The following FAM169A variants were observed in gnomAD, a reference collection of about 807,000 sequenced individuals.
FAM169A encodes the protein family with sequence similarity 169 member A.
A neutral mutation model predicts 75.7 loss-of-function variants in FAM169A; 24 were observed. The observed-to-expected ratio is 0.32, with a 90% CI of 0.23 to 0.45. The LOEUF (loss-of-function observed/expected upper bound fraction) is 0.45. Ranked by LOEUF, FAM169A falls within the 20% of genes least tolerant of loss-of-function variation. The pLI is 1.00. For missense variants in FAM169A, 673 were observed against 784.0 expected (o/e 0.86, Z 1.69); for synonymous variants, 271 against 271.0 (o/e 1.00, Z 0.00).
At chr5:74,866,483 C>G (rs538232894), upstream of FAM169A, 14 of 732,690 alleles carry the variant, frequency 1.9e-5, no homozygotes, top group African/African-American at 7.6e-5. Flanking sequence ...TCCTCGGAGC[C>G]TGGGACGCCG....
intron 5 of FAM169A, 144 bp from the exon 6 acceptor site, chr5:74,814,163 G>T: frequency 3.8e-6 from 2 of 531,482 alleles, no homozygotes; most frequent in Non-Finnish European, 3.2e-6. Flanking sequence ...AATATAAAGT[G>T]TTTTTCAGCT....
intron 1 of FAM169A, among the ~76,000 whole-genome samples, chr5:74,863,015 T>C (rs1750118768): frequency 7.1e-6 from 1 of 140,512 alleles, no homozygotes; most frequent in African/African-American, 2.7e-5. Context: ...ACCAAAACTG[T>C]ATTCATTTAA....
chr5:74,805,524 C>CTTTTTTTTTTTTTTTTTTTTT (rs1194674402), intron 6 of FAM169A, among the ~76,000 whole-genome samples: 9 of 81,934 alleles, frequency 1.1e-4, no homozygotes, highest in African/African-American at 4.9e-4. Flanking sequence ...ATGTGCTTCG[C>CTTTTTTTTTTTTTTTTTTTTT]TTTTTTTTTT....
intron 10 of FAM169A, among the ~76,000 whole-genome samples, chr5:74,796,409 T>A (rs1243771955): frequency 1.4e-5 from 2 of 141,360 alleles, no homozygotes; most frequent in Non-Finnish European, 3.1e-5. Flanking sequence ...TCTTAATGGA[T>A]CTTTTTTTTT....
At chr5:74,849,240 A>G (rs1447602959) in intron 1 of FAM169A, among the ~76,000 whole-genome samples, 1 of 152,198 alleles carries the variant, frequency 6.6e-6, no homozygotes. Flanking sequence ...CAAAAAAATT[A>G]TGTATTTGAC....
chr5:74,825,920 C>T (rs1320847699), intron 5 of FAM169A, among the ~76,000 whole-genome samples: 2 of 152,054 alleles, frequency 1.3e-5, no homozygotes, highest in African/African-American at 4.8e-5. Context: ...TCAATGGGCC[C>T]TTTTAATCTG....
rs1748471189 is a variant in FAM169A, at chr5:74,834,498, T to C, written c.418A>G (p.Ser140Gly). ...AGAATCTTAGCATAATCAGTACTGC[T>C]ATGACACAGGAATGGGATCTCATTT... ...ERNEIPFLCH[S>G]STDYAKILWK... is the part of the protein sequence containing the mutation. Residue 140 changes from serine (S) to glycine (G), a missense_variant, in exon 5 of 13, where the codon AGC becomes GGC. By Grantham distance (56) the Ser-to-Gly change is moderately conservative. Coordinates refer to ENST00000687041, the MANE Select transcript of FAM169A (RefSeq NM_001376049.1). The C allele has an allele frequency of 1.2e-6, 2 of 1,605,878 alleles. No homozygotes were observed. Among genetic ancestry groups the C allele is most frequent in the Admixed American group, 3.4e-5 (2 of 58,340 alleles).
intron 1 of FAM169A, among the ~76,000 whole-genome samples, chr5:74,849,181 T>C (rs923889488): frequency 1.3e-5 from 2 of 152,204 alleles, no homozygotes; most frequent in African/African-American, 4.8e-5. Flanking sequence ...AGATCTAAGA[T>C]CATGAGCATC....
chr5:74,786,216 T>C (rs1745687962), intron 11 of FAM169A, among the ~76,000 whole-genome samples: 1 of 152,208 alleles, frequency 6.6e-6, no homozygotes. Context: ...CAGCCTATTG[T>C]GGGACCTTGT....
In FAM169A at chr5:74,834,611, C is replaced by A; in HGVS notation, c.319-14G>T. The A allele has an allele frequency of 2.0e-6, 3 of 1,512,268 alleles. No individual in the cohort carries two copies. Among genetic ancestry groups the A allele is most frequent in the Middle Eastern group, 1.8e-4 (1 of 5,698 alleles). The allele number at this position is 1,512,268 out of a possible 1,614,324, so 93.7% of individuals were successfully genotyped here. A position where few individuals can be genotyped will look rare whatever the true frequency, so the allele number is the denominator to read the frequency against. On this transcript the variant is annotated splice_polypyrimidine_tract_variant and intron_variant, in intron 4 of 12. Transcript: ENST00000687041. Reference sequence around the variant, plus strand: ...AAGAGTGCTCACCTACAAAGAGAGTCAAACACCAGGCACAGCAGTTATAAT... The same window carrying A: ...AAGAGTGCTCACCTACAAAGAGAGTAAAACACCAGGCACAGCAGTTATAAT...
chr5:74,846,566 T>C (rs1390214431), intron 1 of FAM169A, among the ~76,000 whole-genome samples: 1 of 152,184 alleles, frequency 6.6e-6, no homozygotes, highest in African/African-American at 2.4e-5. Flanking sequence ...GATTGATCAC[T>C]GAAAAGGAGA....
chr5:74,797,179 G>A (rs1580089856), intron 10 of FAM169A, among the ~76,000 whole-genome samples: 1 of 152,112 alleles, frequency 6.6e-6, no homozygotes, highest in East Asian at 1.9e-4. Flanking sequence ...ATTTGTTTGT[G>A]TTTGTTTTTG....
intron 6 of FAM169A, among the ~76,000 whole-genome samples, chr5:74,809,196 A>C (rs1747040445): frequency 6.6e-6 from 1 of 152,220 alleles, no homozygotes; most frequent in African/African-American, 2.4e-5. Flanking sequence ...AAATAATTTC[A>C]AAACTTACTT....
chr5:74,787,137 T>C (rs1745736356), intron 11 of FAM169A, among the ~76,000 whole-genome samples: 1 of 152,158 alleles, frequency 6.6e-6, no homozygotes, highest in African/African-American at 2.4e-5. Context: ...TTTTCTAATT[T>C]ATATAAGCAG....
At chr5:74,865,098 C>T (rs1234522433) in intron 1 of FAM169A, among the ~76,000 whole-genome samples, 1 of 152,174 alleles carries the variant, frequency 6.6e-6, no homozygotes, top group Non-Finnish European at 1.5e-5. Context: ...CGATTGTAAT[C>T]CCTGTCTGTG....
intron 5 of FAM169A, among the ~76,000 whole-genome samples, chr5:74,828,816 G>A (rs1169252555): frequency 6.6e-6 from 1 of 152,066 alleles, no homozygotes; most frequent in African/African-American, 2.4e-5. Flanking sequence ...AATGTCTTTG[G>A]TGTCATTCTG....
intron 10 of FAM169A, chr5:74,799,418 G>C: frequency 6.2e-7 from 1 of 1,613,102 alleles, no homozygotes; most frequent in Non-Finnish European, 8.5e-7. Flanking sequence ...AAGCTGATTC[G>C]CTCCACAGTC....
chr5:74,795,367 A>G (rs1746216283), intron 11 of FAM169A, among the ~76,000 whole-genome samples: 1 of 152,232 alleles, frequency 6.6e-6, no homozygotes, highest in Non-Finnish European at 1.5e-5. Context: ...AACATATGAA[A>G]GAAGAAATAG....
Position 74,780,413 on chromosome 5 carries a change from T to C in FAM169A, c.*1047A>G, listed in dbSNP as rs940029234. Reference sequence around the variant, plus strand: ...GCCGGCAGGCAGGAAGATCTGTTGATTGGAGAATCACTCCATGAGTTACAG... The same window carrying C: ...GCCGGCAGGCAGGAAGATCTGTTGACTGGAGAATCACTCCATGAGTTACAG... On this transcript the variant is annotated 3_prime_UTR_variant, in exon 13 of 13. Transcript: ENST00000687041. 13 of 152,236 alleles carry C rather than the reference T, an allele frequency of 8.5e-5. No homozygotes were observed. The highest frequency in any genetic ancestry group is 2.9e-4 in the African/African-American group (12 of 41,430). The allele number at this position is 152,236 out of a possible 1,614,324, so 9.4% of individuals were successfully genotyped here.
Sources: gnomAD v4.1 joint callset for allele counts (sites outside exome capture counted in the v4.1 genomes callset) on GRCh38, gnomAD v4.1.1 for gene constraint, MANE v1.5 for transcripts, NCBI Gene and HGNC (gene_info 2026-07-23, HGNC 2026-07-21) for gene names.